Variants in FAM228B observed in about 807,000 individuals in gnomAD.
FAM228B encodes family with sequence similarity 228 member B.
Under a neutral mutation model 42.6 loss-of-function variants are expected in FAM228B, and 38 were observed. The observed-to-expected ratio is 0.89, with a 90% CI of 0.69 to 1.17. The LOEUF is 1.17. FAM228B is among the 50% of genes most tolerant of loss of function. The probability of loss-of-function intolerance (pLI) is 0.00; values close to 1 mark genes in which losing one functional copy is unlikely to be tolerated. For missense variants in FAM228B, 344 were observed against 367.3 expected, an observed-to-expected ratio of 0.94 and a Z score of 0.52; for synonymous variants, 109 against 122.3, an observed-to-expected ratio of 0.89 and a Z score of 0.72.
chr2:24,167,519 G>A lies in FAM228B; in HGVS notation c.933-108G>A, dbSNP rs145786407. The A allele has an allele frequency of 6.2e-5, 89 of 1,444,024 alleles. No homozygotes were observed. The African/African-American group carries it at 8.8e-4, about 14-fold the overall frequency. 89.5% of individuals were successfully genotyped at this position (1,444,024 alleles called of 1,614,324 possible). On this transcript the variant is annotated intron_variant, in intron 9 of 10. Coordinates refer to ENST00000615575, the MANE Select transcript of FAM228B (RefSeq NM_001145710.2). The stretch of plus-strand genomic sequence containing the variant: ...TGGGGTTGGTTCTTCTCCTGCCCTG[G>A]GCATTCTCAGATAATAAACAGCCTC...
chr2:24,155,527 A>AT (rs1467147806), intron 7 of FAM228B, among the ~76,000 whole-genome samples: 289 of 18,904 alleles, frequency 0.015, 1 homozygote, highest in Middle Eastern at 0.045. Context: ...ATATATATAT[A>AT]TATATTTTTT....
intron 7 of FAM228B, among the ~76,000 whole-genome samples, chr2:24,152,651 G>GC (rs1405617968): frequency 6.6e-6 from 1 of 152,206 alleles, no homozygotes; most frequent in African/African-American, 2.4e-5. Context: ...TCTGTGCTGA[G>GC]CCACCTGGAG....
At chr2:24,101,402 A>G (rs1165260934) in intron 3 of FAM228B, among the ~76,000 whole-genome samples, 1 of 152,188 alleles carries the variant, frequency 6.6e-6, no homozygotes, top group East Asian at 1.9e-4. Context: ...GTAAATTGAC[A>G]TTAATTTAAA....
chr2:24,117,150 G>C (rs1183287411), intron 3 of FAM228B, among the ~76,000 whole-genome samples: 1 of 151,746 alleles, frequency 6.6e-6, no homozygotes, highest in African/African-American at 2.4e-5. Context: ...AAGTAGCTGG[G>C]ATTACAGGTA....
chr2:24,103,077 C>T (rs1665637134), intron 3 of FAM228B, among the ~76,000 whole-genome samples: 1 of 152,194 alleles, frequency 6.6e-6, no homozygotes, highest in African/African-American at 2.4e-5. Flanking sequence ...TCATGGGACT[C>T]TCCTTCACAT....
chr2:24,158,887 A>G (rs1032501072), intron 7 of FAM228B, among the ~76,000 whole-genome samples: 1 of 152,212 alleles, frequency 6.6e-6, no homozygotes, highest in African/African-American at 2.4e-5. Context: ...ACAGGAATCT[A>G]TTCTCCACAG....
At chr2:24,131,115 T>C (rs1666443521) in intron 2 of FAM228B, among the ~76,000 whole-genome samples, 1 of 152,194 alleles carries the variant, frequency 6.6e-6, no homozygotes, top group South Asian at 2.1e-4. Flanking sequence ...TTTTGTCTGG[T>C]TTGTCGAAGA....
chr2:24,125,048 A>G (rs995138002), intron 2 of FAM228B, among the ~76,000 whole-genome samples: 2 of 152,128 alleles, frequency 1.3e-5, no homozygotes, highest in East Asian at 3.8e-4. Flanking sequence ...AAACAGCTTT[A>G]TTAAGATGTA....
intron 3 of FAM228B, among the ~76,000 whole-genome samples, chr2:24,135,976 GTTT>G (rs34144721): frequency 1.2e-5 from 1 of 84,292 alleles, no homozygotes; most frequent in Non-Finnish European, 2.3e-5. Flanking sequence ...ATAGTGAAGG[GTTT>G]TTTTTTTTTT....
rs569257282 is a variant in FAM228B at position 24,086,132 on chromosome 2, G to A, written c.-210+5177G>A. Among the ~76,000 whole-genome samples the A allele has an allele frequency of 4.1e-3, 619 of 152,050 alleles. 1 individual carries two copies. The highest frequency in any genetic ancestry group is 6.4e-3 in the Non-Finnish European group (432 of 67,988). On this transcript the variant is annotated intron_variant, in intron 2 of 10. Transcript: ENST00000613899. ...CGCCTGTAGTCCCAGCTATTCGGGA[G>A]GCTGAGGCAGGAGAATGGCGTGAAC...
upstream of FAM228B, chr2:24,122,411 T>C: frequency 6.3e-7 from 1 of 1,598,482 alleles, no homozygotes; most frequent in Non-Finnish European, 8.6e-7. Context: ...AAACTTGTTT[T>C]TTCTTACATT....
intron 2 of FAM228B, chr2:24,085,139 T>A (rs1454265647): frequency 1.3e-5 from 2 of 152,088 alleles, no homozygotes; most frequent in African/African-American, 4.8e-5. Flanking sequence ...CACATTTATG[T>A]AACAGGCTGG....
intron 3 of FAM228B, chr2:24,115,724 G>T: frequency 1.7e-6 from 2 of 1,172,248 alleles, no homozygotes; most frequent in East Asian, 2.4e-5. Flanking sequence ...CCATGTGCTA[G>T]GCACTGTGCT....
upstream of FAM228B, among the ~76,000 whole-genome samples, chr2:24,119,078 G>A (rs141535741): frequency 1.3e-5 from 2 of 152,194 alleles, no homozygotes; most frequent in African/African-American, 2.4e-5. Context: ...CAACAAAGTG[G>A]CTGCCTGACT....
At chr2:24,103,212 G>A (rs1277297048) in intron 3 of FAM228B, among the ~76,000 whole-genome samples, 1 of 152,220 alleles carries the variant, frequency 6.6e-6, no homozygotes, top group Non-Finnish European at 1.5e-5. Flanking sequence ...TCAAAGGGCT[G>A]TGTGAGCGTG....
chr2:24,162,986 G>T (rs1667318782), intron 8 of FAM228B, among the ~76,000 whole-genome samples: 1 of 152,202 alleles, frequency 6.6e-6, no homozygotes, highest in South Asian at 2.1e-4. Context: ...AAATAAGATT[G>T]TCGTGGTGGT....
At chr2:24,089,586 C>T (rs575210699) in intron 2 of FAM228B, among the ~76,000 whole-genome samples, 37 of 152,188 alleles carry the variant, frequency 2.4e-4, no homozygotes, top group African/African-American at 8.2e-4. Flanking sequence ...ACCTTCCTGC[C>T]ACCCACAGAT....
intron 10 of FAM228B, chr2:24,168,128 G>A (rs1023310186): frequency 1.1e-5 from 2 of 177,688 alleles, no homozygotes; most frequent in African/African-American, 2.3e-5. Context: ...ATACCCAAGA[G>A]GAGATATACA....
chr2:24,120,558 T>A (rs568582145), upstream of FAM228B, among the ~76,000 whole-genome samples: 73 of 152,230 alleles, frequency 4.8e-4, no homozygotes, highest in Admixed American at 1.1e-3. Flanking sequence ...TGATTTTTTT[T>A]AAAATTTTTT....
Sources: gnomAD v4.1 joint callset for allele counts (sites outside exome capture counted in the v4.1 genomes callset) on GRCh38, gnomAD v4.1.1 for gene constraint, MANE v1.5 for transcripts, NCBI Gene and HGNC (gene_info 2026-07-23, HGNC 2026-07-21) for gene names.